Variants in ZPBP observed in about 807,000 individuals in gnomAD.
The protein encoded by ZPBP is zona pellucida binding protein.
A neutral mutation model predicts 44.8 loss-of-function variants in ZPBP; 26 were observed. The observed-to-expected ratio is 0.58, with a 90% CI of 0.43 to 0.81. ZPBP has a LOEUF of 0.81. Among genes scored for constraint, ZPBP ranks in the 30% least tolerant of loss-of-function variants. The probability of loss-of-function intolerance (pLI) is 0.00; values close to 1 mark genes in which losing one functional copy is unlikely to be tolerated. For missense variants in ZPBP, 409 were observed against 434.0 expected (o/e 0.94, Z 0.51); for synonymous variants, 174 against 153.2 (o/e 1.14, Z -1.00).
At chr7:50,083,819 T>C (rs977392377) in intron 2 of ZPBP, among the ~76,000 whole-genome samples, 1 of 152,010 alleles carries the variant, frequency 6.6e-6, no homozygotes, top group Non-Finnish European at 1.5e-5. Context: ...TCTTACCGTA[T>C]ATAAAAATAA....
rs1176325805 is a variant in ZPBP at position 49,871,037 on chromosome 7, A to G, written n.510-20523T>C. Among the ~76,000 whole-genome samples, 78 of 152,230 alleles carry G rather than the reference A, an allele frequency of 5.1e-4. 1 individual carries two copies. Among genetic ancestry groups the G allele is most frequent in the Non-Finnish European group, 5.9e-5 (4 of 68,030 alleles). On this transcript the variant is annotated intron_variant and non_coding_transcript_variant, in intron 2 of 2. Transcript: ENST00000465922. ...TGCAAAACCATGAAAAGTATTCCAC[A>G]GAACCAATAAATTGGAGAATTCAAC...
intron 2 of ZPBP, among the ~76,000 whole-genome samples, chr7:49,892,508 G>A (rs1489624531): frequency 1.3e-5 from 2 of 152,188 alleles, no homozygotes; most frequent in Admixed American, 6.5e-5. Flanking sequence ...GCAGAGATAG[G>A]CAAACCTATT....
chr7:50,026,537 T>C (rs1353414038), intron 5 of ZPBP, among the ~76,000 whole-genome samples: 1 of 151,710 alleles, frequency 6.6e-6, no homozygotes, highest in African/African-American at 2.4e-5. Flanking sequence ...CAAAAGAGTC[T>C]CAGTAAGTAT....
intron 7 of ZPBP, among the ~76,000 whole-genome samples, chr7:49,945,884 T>C (rs1012232734): frequency 6.6e-6 from 1 of 152,136 alleles, no homozygotes; most frequent in Non-Finnish European, 1.5e-5. Flanking sequence ...TCACTTGTTT[T>C]CTGGTTGTTT....
At chr7:49,980,698 G>A (rs1796815486) in intron 7 of ZPBP, among the ~76,000 whole-genome samples, 3 of 151,948 alleles carry the variant, frequency 2.0e-5, no homozygotes, top group South Asian at 4.1e-4. Flanking sequence ...CGGTCACCCC[G>A]AGGGAGAATA....
chr7:49,941,228 C>T (rs1794871657), intron 7 of ZPBP, among the ~76,000 whole-genome samples: 1 of 152,088 alleles, frequency 6.6e-6, no homozygotes, highest in Non-Finnish European at 1.5e-5. Flanking sequence ...AAAAACAATA[C>T]AGAGCTTCCT....
At chr7:50,040,952 GA>G (rs1800060305) in intron 4 of ZPBP, among the ~76,000 whole-genome samples, 1 of 152,166 alleles carries the variant, frequency 6.6e-6, no homozygotes, top group Admixed American at 6.5e-5. Context: ...GTCGACCTGG[GA>G]TGCTCAAGCT....
intron 3 of ZPBP, among the ~76,000 whole-genome samples, chr7:50,075,488 A>G (rs1233129015): frequency 1.3e-5 from 2 of 152,008 alleles, no homozygotes; most frequent in Admixed American, 6.6e-5. Flanking sequence ...TGGTTTTTTG[A>G]AGAGTTAAAC....
chr7:50,092,942 T>A (rs914784654), intron 1 of ZPBP, 126 bp downstream of exon 1: 22 of 1,354,480 alleles, frequency 1.6e-5, no homozygotes, highest in Admixed American at 6.4e-5. Flanking sequence ...GCCTTTCTTG[T>A]CACGTATTAG....
In ZPBP at chr7:50,018,158, A is replaced by G. The variant is rs1369400524; in HGVS notation, c.783+82T>C. 4 of 1,024,620 alleles carry G rather than the reference A, an allele frequency of 3.9e-6. No individual in the cohort carries two copies. In the Admixed American group the frequency reaches 5.3e-5, roughly 14 times the overall value. 63.5% of individuals were successfully genotyped at this position (1,024,620 alleles called of 1,614,324 possible). ...TAACTGTGGGGATTCAACGTATTTT[A>G]TAAATAGCTAGGATGCTTACTTACA... On this transcript the variant is annotated intron_variant, in intron 6 of 7. Transcript: ENST00000046087.
chr7:50,069,011 T>C (rs1356772890), intron 3 of ZPBP, among the ~76,000 whole-genome samples: 1 of 152,242 alleles, frequency 6.6e-6, no homozygotes, highest in Non-Finnish European at 1.5e-5. Flanking sequence ...ATCTGGCTCT[T>C]AGCAGGGGTC....
chr7:49,949,608 G>T (rs1351697863), intron 7 of ZPBP, among the ~76,000 whole-genome samples: 1 of 151,898 alleles, frequency 6.6e-6, no homozygotes, highest in African/African-American at 2.4e-5. Flanking sequence ...GTAGAATGGT[G>T]GTTTTCAGGT....
intron 1 of ZPBP, among the ~76,000 whole-genome samples, chr7:49,925,955 G>A (rs542990806): frequency 6.6e-6 from 1 of 152,206 alleles, no homozygotes; most frequent in Non-Finnish European, 1.5e-5. Context: ...TTGGAAGTTT[G>A]GTCTGTCAGC....
chr7:50,022,607 C>CA (rs1799149204), intron 5 of ZPBP, among the ~76,000 whole-genome samples: 1 of 151,730 alleles, frequency 6.6e-6, no homozygotes, highest in Non-Finnish European at 1.5e-5. Context: ...GACAATCAAA[C>CA]AAAAAAGATA....
At chr7:49,925,189 G>A (rs1283671364) in intron 1 of ZPBP, among the ~76,000 whole-genome samples, 1 of 152,128 alleles carries the variant, frequency 6.6e-6, no homozygotes, top group Non-Finnish European at 1.5e-5. Flanking sequence ...TTACATGAGT[G>A]GGCATCAGCC....
intron 2 of ZPBP, among the ~76,000 whole-genome samples, chr7:49,854,571 T>A (rs978010146): frequency 3.3e-5 from 5 of 152,244 alleles, no homozygotes; most frequent in Admixed American, 6.5e-5. Context: ...TTAGTTTTTG[T>A]CTTGTAAATT....
intron 7 of ZPBP, among the ~76,000 whole-genome samples, chr7:49,961,921 G>A (rs1025497912): frequency 2.0e-5 from 3 of 151,840 alleles, no homozygotes; most frequent in Non-Finnish European, 2.9e-5. Flanking sequence ...ACTTGCCCCC[G>A]ATATCATTTC....
intron 7 of ZPBP, among the ~76,000 whole-genome samples, chr7:49,938,151 A>C (rs1337958605): frequency 6.6e-6 from 1 of 152,202 alleles, no homozygotes; most frequent in African/African-American, 2.4e-5. Flanking sequence ...GTTATATAGC[A>C]GAAGCCACAA....
At chr7:49,858,643 ATG>A (rs1790524936) in intron 2 of ZPBP, among the ~76,000 whole-genome samples, 1 of 151,984 alleles carries the variant, frequency 6.6e-6, no homozygotes, top group South Asian at 2.1e-4. Flanking sequence ...AACACGGCAC[ATG>A]TATATATATG....
Sources: allele counts gnomAD v4.1 joint callset (sites outside exome capture counted in the v4.1 genomes callset), GRCh38; gene constraint gnomAD v4.1.1; transcripts MANE v1.5; gene names NCBI Gene and HGNC (gene_info 2026-07-23, HGNC 2026-07-21).